The following CYP4X1 variants were observed in gnomAD, a reference collection of about 807,000 sequenced individuals.
CYP4X1 encodes the protein cytochrome P450 family 4 subfamily X member 1.
A neutral mutation model predicts 57.9 loss-of-function variants in CYP4X1; 44 were observed. That is an observed-to-expected ratio of 0.76 (90% confidence interval 0.60 to 0.98). The LOEUF is 0.98. Among genes scored for constraint, CYP4X1 ranks in the 50% least tolerant of loss-of-function variants. The pLI is 0.00. For missense variants in CYP4X1, 532 were observed against 623.9 expected (o/e 0.85, Z 1.57); for synonymous variants, 227 against 228.6 (o/e 0.99, Z 0.06).
downstream of CYP4X1, among the ~76,000 whole-genome samples, chr1:47,051,891 CCTT>C (rs904950767): frequency 6.6e-6 from 1 of 151,756 alleles, no homozygotes; most frequent in Non-Finnish European, 1.5e-5. Flanking sequence ...CTATATATCT[CCTT>C]CTTGCTGGAA....
chr1:46,982,522 G>C, the CYP4X1 span, among the ~76,000 whole-genome samples: 8 of 152,348 alleles, frequency 5.3e-5, no homozygotes, highest in South Asian at 1.4e-3. Context: ...CTGTGGAGTA[G>C]TGTAGTCAAT....
the CYP4X1 span, chr1:46,967,685 C>A: frequency 2.7e-6 from 2 of 752,544 alleles, no homozygotes; most frequent in South Asian, 7.2e-5. Context: ...CAGAGCTGGT[C>A]CTTGTCCCCA....
chr1:47,034,096 CAG>C (rs1213288703), intron 4 of CYP4X1, among the ~76,000 whole-genome samples: 4 of 152,172 alleles, frequency 2.6e-5, no homozygotes, highest in Non-Finnish European at 5.9e-5. Context: ...GCTTCAGATT[CAG>C]AGGAAACTCA....
At position 47,030,003 on chromosome 1, in the gene CYP4X1, A is replaced by C; in HGVS notation, c.191A>C (p.Asp64Ala). ...FLGHQKFIQD[D>A]NMEKLEEIIE... ...TTTTCACTGCAGTTTATTCAGGATG[A>C]TAACATGGAGAAGCTTGAGGAAATT... Residue 64 changes from aspartate (D) to alanine (A), a missense_variant, in exon 2 of 12, where the codon GAT (aspartate) becomes GCT (alanine). Transcript: ENST00000371901. 1 of 1,614,054 alleles carries C rather than the reference A, an allele frequency of 6.2e-7. No homozygotes were observed. Among genetic ancestry groups the C allele is most frequent in the Non-Finnish European group, 8.5e-7 (1 of 1,179,990 alleles).
At chr1:46,965,690 G>A in the CYP4X1 span, among the ~76,000 whole-genome samples, 1 of 152,232 alleles carries the variant, frequency 6.6e-6, no homozygotes, top group Non-Finnish European at 1.5e-5. Context: ...GCAGGATCAG[G>A]GACCAGCTTA....
the CYP4X1 span, among the ~76,000 whole-genome samples, chr1:47,010,381 C>A: frequency 3.9e-5 from 6 of 152,286 alleles, no homozygotes; most frequent in East Asian, 5.8e-4. Context: ...TAAAAACTCT[C>A]AATAAATTAG....
At chr1:46,986,867 C>T in the CYP4X1 span, among the ~76,000 whole-genome samples, 1 of 152,242 alleles carries the variant, frequency 6.6e-6, no homozygotes, top group East Asian at 1.9e-4. Flanking sequence ...CTGACAAGAG[C>T]TCCTAAAGGA....
chr1:46,994,044 T>G, the CYP4X1 span, among the ~76,000 whole-genome samples: 4 of 152,244 alleles, frequency 2.6e-5, no homozygotes, highest in Non-Finnish European at 5.9e-5. Flanking sequence ...GGTTTTCTTC[T>G]GGGGTTTTTA....
the CYP4X1 span, among the ~76,000 whole-genome samples, chr1:46,993,856 A>C: frequency 6.6e-6 from 1 of 152,028 alleles, no homozygotes; most frequent in Non-Finnish European, 1.5e-5. Context: ...GTAGATTGCA[A>C]AAATTTTCTC....
chr1:46,979,238 TAAAG>T, the CYP4X1 span, among the ~76,000 whole-genome samples: 9 of 151,616 alleles, frequency 5.9e-5, no homozygotes, highest in Non-Finnish European at 1.2e-4. Flanking sequence ...GCAAGACTAA[TAAAG>T]AAGAAAAGAG....
the CYP4X1 span, among the ~76,000 whole-genome samples, chr1:46,993,377 G>A: frequency 5.7e-4 from 87 of 152,192 alleles, no homozygotes; most frequent in African/African-American, 2.0e-3. Flanking sequence ...ATTATGAATA[G>A]TGCCACAATA....
chr1:47,049,604 C>T (rs555586407), intron 11 of CYP4X1, 100 bp downstream of exon 11: 14 of 1,103,794 alleles, frequency 1.3e-5, no homozygotes, highest in Admixed American at 9.3e-5. Context: ...TCCAGGGAAC[C>T]GTAGATCTTG....
At chr1:46,969,679 C>T in the CYP4X1 span, among the ~76,000 whole-genome samples, 1 of 152,196 alleles carries the variant, frequency 6.6e-6, no homozygotes, top group Non-Finnish European at 1.5e-5. Context: ...ATAGAGTGTA[C>T]CTGTCCAGTT....
chr1:47,046,012 T>C (rs536119906), intron 8 of CYP4X1, among the ~76,000 whole-genome samples: 1 of 152,338 alleles, frequency 6.6e-6, no homozygotes, highest in African/African-American at 2.4e-5. Context: ...AGTCAGATCA[T>C]CTAAGTGATC....
intron 1 of CYP4X1, among the ~76,000 whole-genome samples, chr1:47,026,178 A>C (rs980780337): frequency 1.3e-5 from 2 of 152,234 alleles, no homozygotes; most frequent in African/African-American, 4.8e-5. Context: ...ATTTGATAGC[A>C]TAGCAGGGTG....
At chr1:47,026,276 G>T (rs1557601077) in intron 1 of CYP4X1, among the ~76,000 whole-genome samples, 1 of 152,062 alleles carries the variant, frequency 6.6e-6, no homozygotes, top group Non-Finnish European at 1.5e-5. Flanking sequence ...GAGGGGATGG[G>T]TACCCCATTC....
At chr1:47,016,838 G>A in the CYP4X1 span, among the ~76,000 whole-genome samples, 11 of 152,054 alleles carry the variant, frequency 7.2e-5, no homozygotes, top group African/African-American at 9.6e-5. Flanking sequence ...GGTCTTATTC[G>A]TTCTTCCTAT....
At chr1:46,994,125 A>G in the CYP4X1 span, among the ~76,000 whole-genome samples, 1 of 152,134 alleles carries the variant, frequency 6.6e-6, no homozygotes, top group Admixed American at 6.5e-5. Flanking sequence ...TAAGGAAGGG[A>G]TCCAGTTTCA....
At chr1:47,015,035 T>C in the CYP4X1 span, among the ~76,000 whole-genome samples, 3 of 152,212 alleles carry the variant, frequency 2.0e-5, no homozygotes, top group African/African-American at 7.2e-5. Context: ...ATCTGTAAGA[T>C]AGGACTAGAT....
Sources: allele counts gnomAD v4.1 joint callset (sites outside exome capture counted in the v4.1 genomes callset), GRCh38; gene constraint gnomAD v4.1.1; transcripts MANE v1.5; gene names NCBI Gene and HGNC (gene_info 2026-07-23, HGNC 2026-07-21).